The following SEPTIN10 variants were observed in gnomAD, a reference collection of about 807,000 sequenced individuals.
SEPTIN10 encodes the protein septin-10.
Under a neutral mutation model 54.8 loss-of-function variants are expected in SEPTIN10, and 66 were observed. The observed-to-expected ratio is 1.21, with a 90% CI of 0.99 to 1.48. The LOEUF (loss-of-function observed/expected upper bound fraction) is 1.48, where lower values mean the gene tolerates loss of function less well. Ranked by LOEUF, SEPTIN10 falls within the 40% of genes most tolerant of loss-of-function variation. SEPTIN10 has a pLI of 0.00. For missense variants in SEPTIN10, 620 were observed against 545.6 expected (o/e 1.14, Z -1.36); for synonymous variants, 161 against 181.0 (o/e 0.89, Z 0.89).
intron 1 of SEPTIN10, among the ~76,000 whole-genome samples, chr2:109,609,289 AT>A (rs1698705778): frequency 6.6e-6 from 1 of 152,248 alleles, no homozygotes; most frequent in South Asian, 2.1e-4. Context: ...ATATAAAAAA[AT>A]AATGCCTGTC....
In SEPTIN10 at chr2:109,606,672, C is replaced by CTTTTTT. The variant is rs34414105; in HGVS notation, c.30+7120_30+7125dup. ...AAAAAATTGCACTAAAAATTTTAAG[C>CTTTTTT]TTTTTTTTTTTTTTTTTTTTTTTTT... On this transcript the variant is annotated intron_variant, in intron 1 of 10. Coordinates refer to ENST00000397712, the MANE Select transcript of SEPTIN10 (RefSeq NM_144710.5). 1.8e-3 allele frequency among the ~76,000 whole-genome samples: 130 copies of CTTTTTT among 71,898 alleles called. 4 individuals are homozygous for CTTTTTT. Among genetic ancestry groups the CTTTTTT allele is most frequent in the African/African-American group, 4.8e-3 (87 of 18,230 alleles). 47.2% of individuals were successfully genotyped at this position (71,898 alleles called of 152,430 possible).
chr2:109,572,969 C>A (rs1215766044), intron 5 of SEPTIN10, among the ~76,000 whole-genome samples: 1 of 152,086 alleles, frequency 6.6e-6, no homozygotes, highest in Non-Finnish European at 1.5e-5. Flanking sequence ...GTAGTTTACA[C>A]TTTTATCATA....
At chr2:109,566,326 G>C (rs924557927) in intron 6 of SEPTIN10, among the ~76,000 whole-genome samples, 4 of 151,828 alleles carry the variant, frequency 2.6e-5, no homozygotes, top group Non-Finnish European at 4.4e-5. Context: ...TCACCATGTT[G>C]GCCAGGCTTG....
At chr2:109,564,596 T>A (rs1334269470) in intron 7 of SEPTIN10, 62 bp from the exon 8 acceptor site, 1 of 1,364,588 alleles carries the variant, frequency 7.3e-7, no homozygotes, top group Non-Finnish European at 9.7e-7. Flanking sequence ...CACAACTAAG[T>A]GTTTGCTGAA....
intron 9 of SEPTIN10, among the ~76,000 whole-genome samples, chr2:109,552,133 G>A (rs188029048): frequency 2.6e-3 from 395 of 152,310 alleles, no homozygotes; most frequent in African/African-American, 3.9e-3. Flanking sequence ...TTGGTTGTGC[G>A]CTCCTTGTGA....
At chr2:109,546,608 G>C (rs1681319538) in intron 9 of SEPTIN10, among the ~76,000 whole-genome samples, 1 of 150,540 alleles carries the variant, frequency 6.6e-6, no homozygotes, top group South Asian at 2.1e-4. Flanking sequence ...GAAATTACCA[G>C]AAAGGAAAAA....
chr2:109,552,341 T>G (rs114990759), intron 9 of SEPTIN10, among the ~76,000 whole-genome samples: 1 of 152,154 alleles, frequency 6.6e-6, no homozygotes, highest in African/African-American at 2.4e-5. Flanking sequence ...TTCACAGATA[T>G]CCATTTCAGG....
At chr2:109,581,074 A>G (rs1243724006) in intron 4 of SEPTIN10, among the ~76,000 whole-genome samples, 3 of 152,246 alleles carry the variant, frequency 2.0e-5, no homozygotes, top group Admixed American at 6.5e-5. Flanking sequence ...GCCATTTCCT[A>G]TATTAGAGCT....
intron 10 of SEPTIN10, chr2:109,544,801 GC>G (rs1158789882): frequency 1.3e-6 from 1 of 759,876 alleles, no homozygotes; most frequent in Non-Finnish European, 1.6e-6. Context: ...ATAATTGCAT[GC>G]CTACTATGTA....
intron 2 of SEPTIN10, among the ~76,000 whole-genome samples, chr2:109,590,423 C>A (rs1305388087): frequency 1.4e-5 from 2 of 141,872 alleles, no homozygotes; most frequent in Non-Finnish European, 3.2e-5. Flanking sequence ...TGAGGTAAAT[C>A]CTTTTTTTTT....
Position 109,574,709 on chromosome 2 carries a change from GTTC to G in SEPTIN10, c.469_471del (p.Glu157del). On this transcript the variant is annotated inframe_deletion, in exon 5 of 11. Coordinates refer to ENST00000397712, the MANE Select transcript of SEPTIN10 (RefSeq NM_144710.5). The stretch of plus-strand genomic sequence containing the variant: ...GTAAAGAGAGAACGCTTAATCTTCA[GTTC>G]TTCTTGGAGATAGGCCTCAAACTGA... The G allele has an allele frequency of 6.2e-7, 1 of 1,606,656 alleles. No individual in the cohort carries two copies. Among genetic ancestry groups the G allele is most frequent in the Non-Finnish European group, 8.5e-7 (1 of 1,176,546 alleles).
intron 6 of SEPTIN10, among the ~76,000 whole-genome samples, chr2:109,567,331 A>G (rs916811310): frequency 2.0e-5 from 3 of 152,224 alleles, no homozygotes; most frequent in Non-Finnish European, 2.9e-5. Flanking sequence ...AGAAAGTAAA[A>G]TTAAGAACTT....
rs75945905 is a variant in SEPTIN10 at position 109,546,247 on chromosome 2, A to G, written c.1162-10T>C. 3.4e-4 allele frequency: 517 copies of G among 1,533,588 alleles called. 2 individuals carry two copies. The East Asian group carries it at 0.012, about 35-fold the overall frequency. 95.0% of individuals were successfully genotyped at this position (1,533,588 alleles called of 1,614,324 possible). The stretch of plus-strand genomic sequence containing the variant: ...CAAATTTGGCCTGTAGCTGGAAACA[A>G]AAGTGCAATCCCCACTACTGACACA... On this transcript the variant is annotated splice_polypyrimidine_tract_variant and intron_variant, in intron 9 of 10. Coordinates refer to ENST00000397712, the MANE Select transcript of SEPTIN10 (RefSeq NM_144710.5).
chr2:109,547,369 G>GTTT lies in SEPTIN10; in HGVS notation c.1162-1135_1162-1133dup, dbSNP rs35573327. On this transcript the variant is annotated intron_variant, in intron 9 of 10. Transcript: ENST00000397712. Reference sequence around the variant, plus strand: ...GTGAAATATACATGCTAATAAACTTGTTTTTTTTTTTTTTTTTTGGTTAAT... The same window carrying GTTT: ...GTGAAATATACATGCTAATAAACTTGTTTTTTTTTTTTTTTTTTTTTGGTTAAT... Among the ~76,000 whole-genome samples the GTTT allele has an allele frequency of 1.1e-3, 131 of 117,846 alleles. 2 individuals carry two copies. Among genetic ancestry groups the GTTT allele is most frequent in the East Asian group, 3.8e-3 (15 of 3,978 alleles). The allele number at this position is 117,846 out of a possible 152,430, so 77.3% of individuals were successfully genotyped here.
intron 2 of SEPTIN10, among the ~76,000 whole-genome samples, chr2:109,586,778 G>C (rs774831180): frequency 6.6e-6 from 1 of 152,158 alleles, no homozygotes; most frequent in Non-Finnish European, 1.5e-5. Context: ...TGAAACCCTA[G>C]ATGGGCCACA....
At chr2:109,545,052 T>A in intron 10 of SEPTIN10, 1 of 985,422 alleles carries the variant, frequency 1.0e-6, no homozygotes, top group Non-Finnish European at 1.2e-6. Context: ...GGTTATGTTT[T>A]CCTATTTTAA....
intron 1 of SEPTIN10, among the ~76,000 whole-genome samples, chr2:109,608,768 T>C (rs1240262056): frequency 6.6e-6 from 1 of 152,028 alleles, no homozygotes; most frequent in Non-Finnish European, 1.5e-5. Context: ...TAGATACAAA[T>C]CCTAAAAAAA....
At chr2:109,562,354 C>T (rs1378781379) in intron 8 of SEPTIN10, among the ~76,000 whole-genome samples, 1 of 151,946 alleles carries the variant, frequency 6.6e-6, no homozygotes, top group Non-Finnish European at 1.5e-5. Flanking sequence ...CTAACTTGGT[C>T]TCCCCACTTC....
intron 4 of SEPTIN10, among the ~76,000 whole-genome samples, chr2:109,584,611 C>T (rs72938283): frequency 0.019 from 2,933 of 151,736 alleles, 78 homozygotes; most frequent in African/African-American, 0.061. Context: ...AATCTTTATA[C>T]GACCTTAGGA....
Sources: allele counts gnomAD v4.1 joint callset (sites outside exome capture counted in the v4.1 genomes callset), GRCh38; gene constraint gnomAD v4.1.1; transcripts MANE v1.5; gene names NCBI Gene and HGNC (gene_info 2026-07-23, HGNC 2026-07-21).